Variants in NACC2 observed in about 807,000 individuals in gnomAD.
NACC2 encodes nucleus accumbens-associated protein 2.
NACC2 carries 8 observed loss-of-function variants against 25.1 expected under a neutral mutation model. That is an observed-to-expected ratio of 0.32 (90% confidence interval 0.19 to 0.57). The LOEUF (loss-of-function observed/expected upper bound fraction) is 0.57, where lower values mean the gene tolerates loss of function less well. Among genes scored for constraint, NACC2 ranks in the 20% least tolerant of loss-of-function variants. The probability of loss-of-function intolerance (pLI) is 0.89; values close to 1 mark genes in which losing one functional copy is unlikely to be tolerated. For missense variants in NACC2, 644 were observed against 650.2 expected, an observed-to-expected ratio of 0.99 and a Z score of 0.10; for synonymous variants, 435 against 294.7, an observed-to-expected ratio of 1.48 and a Z score of -4.88.
At chr9:136,027,878 G>GA (rs1405018859) in intron 2 of NACC2, among the ~76,000 whole-genome samples, 1 of 152,038 alleles carries the variant, frequency 6.6e-6, no homozygotes, top group Non-Finnish European at 1.5e-5. Flanking sequence ...ATACATAAGA[G>GA]AAAAAATCCA....
At chr9:136,051,458 AC>A (rs1376652456) in intron 1 of NACC2, among the ~76,000 whole-genome samples, 1 of 151,998 alleles carries the variant, frequency 6.6e-6, no homozygotes, top group Non-Finnish European at 1.5e-5. Flanking sequence ...GGCTGCCCGG[AC>A]CCCGGGGCTG....
chr9:136,050,248 T>C lies in NACC2; in HGVS notation c.274A>G (p.Met92Val), dbSNP rs1744541639. 2 of 770,576 alleles carry C rather than the reference T, an allele frequency of 2.6e-6. No homozygotes were observed. Among genetic ancestry groups the C allele is most frequent in the East Asian group, 2.4e-5 (1 of 40,864 alleles). 47.7% of individuals were successfully genotyped at this position (770,576 alleles called of 1,614,324 possible). A position where few individuals can be genotyped will look rare whatever the true frequency, so the allele number is the denominator to read the frequency against. ...LSFCYTGRLT[M>V]TASEQLVVMY... ...ACCACGAGCTGCTCGCTGGCCGTCA[T>C]GGTGAGCCTGCCCGTGTAGCAGAAG... The change falls in exon 2 of 6, where the codon ATG becomes GTG. Residue 92 changes from methionine (M) to valine (V), a missense_variant. Transcript: ENST00000277554.
At chr9:136,056,392 C>G (rs1055408279) in intron 1 of NACC2, among the ~76,000 whole-genome samples, 5 of 152,170 alleles carry the variant, frequency 3.3e-5, no homozygotes, top group Admixed American at 2.6e-4. Context: ...CGTGTGCTCA[C>G]CTCCCCGCTA....
intron 2 of NACC2, among the ~76,000 whole-genome samples, chr9:136,024,827 G>C (rs559051601): frequency 4.0e-4 from 61 of 152,312 alleles, no homozygotes; most frequent in African/African-American, 1.4e-3. Flanking sequence ...GCGATCCTGA[G>C]AACTGGGACC....
At chr9:136,068,933 T>TA (rs1554741831) in intron 1 of NACC2, among the ~76,000 whole-genome samples, 8 of 150,760 alleles carry the variant, frequency 5.3e-5, no homozygotes, top group Non-Finnish European at 8.9e-5. Context: ...TTTTTTTTTT[T>TA]AAAGATGGAG....
At chr9:136,085,735 G>C (rs1301546425) in intron 1 of NACC2, among the ~76,000 whole-genome samples, 8 of 152,198 alleles carry the variant, frequency 5.3e-5, no homozygotes, top group African/African-American at 1.9e-4. Context: ...TACAATACTT[G>C]ACATTTTTCT....
At chr9:136,043,963 T>G (rs946386341) in intron 2 of NACC2, among the ~76,000 whole-genome samples, 63 of 152,134 alleles carry the variant, frequency 4.1e-4, no homozygotes, top group African/African-American at 1.5e-3. Flanking sequence ...TAGCTGGGAC[T>G]ACAAGCGTGC....
intron 1 of NACC2, among the ~76,000 whole-genome samples, chr9:136,088,374 A>C (rs11103322): frequency 0.61 from 93,339 of 152,026 alleles, 29,797 homozygotes; most frequent in Non-Finnish European, 0.72. Flanking sequence ...CCCTAGGGCA[A>C]AAATTTGAGT....
At position 136,011,967 on chromosome 9, in the gene NACC2, G is replaced by A; in HGVS notation, c.1313C>T (p.Ala438Val). The A allele has an allele frequency of 6.2e-7, 1 of 1,606,476 alleles. No individual in the cohort carries two copies. The highest frequency in any genetic ancestry group is 8.5e-7 in the Non-Finnish European group (1 of 1,178,020). Residue 438 changes from alanine to valine, a missense_variant, in exon 6 of 6, where the codon GCG (alanine) becomes GTG (valine). By Grantham distance (64) the Ala-to-Val change is moderately conservative. Transcript: ENST00000277554. ...FKESEMNVIA[A>V]DMCTNARRVR... ...GCGGCGGGCGTTGGTGCACATGTCC[G>A]CGGCGATCACGTTCATCTCGCTCTC...
intron 2 of NACC2, among the ~76,000 whole-genome samples, chr9:136,039,053 T>G (rs1251231224): frequency 6.6e-6 from 1 of 152,130 alleles, no homozygotes; most frequent in African/African-American, 2.4e-5. Flanking sequence ...TGCATAAAAA[T>G]GCAAATCCCA....
At chr9:136,094,465 T>C (rs1241330000) in intron 1 of NACC2, among the ~76,000 whole-genome samples, 1 of 152,144 alleles carries the variant, frequency 6.6e-6, no homozygotes, top group East Asian at 1.9e-4. Flanking sequence ...CGGTCCGCCC[T>C]GGCCGTGCGG....
At chr9:136,052,745 G>A (rs913780302) in intron 1 of NACC2, among the ~76,000 whole-genome samples, 1 of 152,350 alleles carries the variant, frequency 6.6e-6, no homozygotes, top group East Asian at 1.9e-4. Flanking sequence ...AGGGCAAAGC[G>A]GCCGCCTCGC....
intron 1 of NACC2, among the ~76,000 whole-genome samples, chr9:136,078,351 G>A (rs770796316): frequency 6.6e-6 from 1 of 152,302 alleles, no homozygotes; most frequent in South Asian, 2.1e-4. Flanking sequence ...AGGCACATCT[G>A]GGGGCAGGTT....
At chr9:136,051,916 T>TGGA (rs1169257163) in intron 1 of NACC2, among the ~76,000 whole-genome samples, 17 of 141,810 alleles carry the variant, frequency 1.2e-4, no homozygotes, top group East Asian at 2.2e-4. Context: ...GAGGAGATGG[T>TGGA]GGAGGAGGAG....
chr9:136,085,943 G>A (rs1312730074), intron 1 of NACC2, among the ~76,000 whole-genome samples: 1 of 151,164 alleles, frequency 6.6e-6, no homozygotes, highest in Non-Finnish European at 1.5e-5. Flanking sequence ...GAGCCCGGAG[G>A]CTGGGCACTG....
chr9:136,031,991 G>C (rs1050944876), intron 2 of NACC2, among the ~76,000 whole-genome samples: 2 of 150,402 alleles, frequency 1.3e-5, no homozygotes, highest in Non-Finnish European at 2.9e-5. Flanking sequence ...ATAAATGAAT[G>C]GGGGGCAAGG....
In NACC2 at chr9:136,041,304, C is replaced by T. The variant is rs935681911; in HGVS notation, c.886+8332G>A. 7.6e-3 allele frequency among the ~76,000 whole-genome samples: 1,159 copies of T among 152,070 alleles called. 15 individuals are homozygous for T. Among genetic ancestry groups the T allele is most frequent in the African/African-American group, 0.026 (1,088 of 41,462 alleles). On this transcript the variant is annotated intron_variant, in intron 2 of 5. Coordinates refer to ENST00000277554, the MANE Select transcript of NACC2 (RefSeq NM_144653.5). ...TGCCATGGTGGCGGGTTCCTGTAAT[C>T]CCAGTTACTCAGGAGGCTGAGGCAG...
At chr9:136,066,895 A>G (rs559557420) in intron 1 of NACC2, among the ~76,000 whole-genome samples, 26 of 152,116 alleles carry the variant, frequency 1.7e-4, no homozygotes, top group Middle Eastern at 3.4e-3. Flanking sequence ...GAGGGCACAT[A>G]TTATGAGATT....
At chr9:136,067,138 C>T (rs1015954880) in intron 1 of NACC2, among the ~76,000 whole-genome samples, 13 of 151,980 alleles carry the variant, frequency 8.6e-5, no homozygotes, top group South Asian at 2.1e-4. Context: ...CCTGTAATCC[C>T]GGCTACTCGG....
Sources: gnomAD v4.1 joint callset for allele counts (sites outside exome capture counted in the v4.1 genomes callset) on GRCh38, gnomAD v4.1.1 for gene constraint, MANE v1.5 for transcripts, NCBI Gene and HGNC (gene_info 2026-07-23, HGNC 2026-07-21) for gene names.